PXDNL: variants seen among roughly 807,000 people sequenced by gnomAD.
PXDNL encodes peroxidasin like, also known as probable oxidoreductase PXDNL.
In PXDNL, 145 loss-of-function variants were observed where a neutral mutation model predicts 150.8. The ratio of observed to expected loss-of-function variants is 0.96; its 90% confidence interval spans 0.84 to 1.10. The LOEUF (loss-of-function observed/expected upper bound fraction) is 1.10. Among genes scored for constraint, PXDNL ranks in the 50% least tolerant of loss-of-function variants. The pLI, the probability that PXDNL is intolerant of heterozygous loss-of-function variation, is 0.00. For synonymous variants in PXDNL, 757 were observed against 725.7 expected, an observed-to-expected ratio of 1.04 and a Z score of -0.69; for missense variants, 2,087 against 1,873.9, an observed-to-expected ratio of 1.11 and a Z score of -2.10.
At chr8:51,501,425 C>G (rs531047023) in intron 4 of PXDNL, among the ~76,000 whole-genome samples, 1 of 100,764 alleles carries the variant, frequency 9.9e-6, no homozygotes, top group Non-Finnish European at 2.1e-5. Context: ...CCCTCATACC[C>G]ACACATGCTC....
chr8:51,782,538 C>T (rs1057491815), intron 1 of PXDNL, among the ~76,000 whole-genome samples: 1 of 152,240 alleles, frequency 6.6e-6, no homozygotes, highest in African/African-American at 2.4e-5. Context: ...TGCTACAGTG[C>T]AGGGCACATA....
At chr8:51,796,846 C>A (rs1170568111) in intron 1 of PXDNL, among the ~76,000 whole-genome samples, 1 of 152,172 alleles carries the variant, frequency 6.6e-6, no homozygotes, top group Non-Finnish European at 1.5e-5. Flanking sequence ...CATCCTGATA[C>A]CAAAACCCGG....
At position 51,408,239 on chromosome 8, in the gene PXDNL, C is replaced by T. The variant is rs148571691; in HGVS notation, c.3385G>A (p.Ala1129Thr). 2.9e-5 allele frequency: 47 copies of T among 1,613,982 alleles called. No individual in the cohort carries two copies. In the African/African-American group the frequency reaches 5.1e-4, roughly 17 times the overall value. ...GAATCCACGGCCGCAGAATAAGCCG[C>T]GGAGAAGAGCCTCTGGGTCAGCTCA... ...SPELTQRLFS[A>T]AYSAAVDSAA... Residue 1129 changes from alanine to threonine, a missense_variant, in exon 17 of 23, where the codon GCG (alanine) becomes ACG (threonine). Coordinates refer to ENST00000356297, the MANE Select transcript of PXDNL (RefSeq NM_144651.5).
At position 51,473,369 on chromosome 8, in the gene PXDNL, G is replaced by C. The variant is rs1810393439; in HGVS notation, c.695-1065C>G. Among the ~76,000 whole-genome samples, 4 of 150,818 alleles carry C rather than the reference G, an allele frequency of 2.7e-5. No homozygotes were observed. The South Asian group carries it at 8.4e-4, about 32-fold the overall frequency. ...ATGGAAAATAAACGATGTTTTGATGGATTATAAAAAGGGACCTGATTCAGT... is the reference window on the plus strand; with the variant it reads ...ATGGAAAATAAACGATGTTTTGATGCATTATAAAAAGGGACCTGATTCAGT... On this transcript the variant is annotated intron_variant, in intron 7 of 22. Coordinates refer to ENST00000356297, the MANE Select transcript of PXDNL (RefSeq NM_144651.5).
intron 17 of PXDNL, among the ~76,000 whole-genome samples, chr8:51,375,377 C>G (rs1409506732): frequency 6.6e-6 from 1 of 152,222 alleles, no homozygotes; most frequent in Non-Finnish European, 1.5e-5. Context: ...ATGCTTGACA[C>G]TCCCAGTAGG....
chr8:51,428,750 T>G (rs890812413), intron 12 of PXDNL, among the ~76,000 whole-genome samples: 1 of 152,184 alleles, frequency 6.6e-6, no homozygotes, highest in African/African-American at 2.4e-5. Flanking sequence ...AAAACTATTA[T>G]TCAAAAAAAT....
In PXDNL at chr8:51,354,394, G is replaced by A. The variant is rs541017812; in HGVS notation, c.3902-8447C>T. Among the ~76,000 whole-genome samples, 53 of 152,220 alleles carry A rather than the reference G, an allele frequency of 3.5e-4. No individual in the cohort carries two copies. In the South Asian group the frequency reaches 0.011, roughly 31 times the overall value. ...AGATTGGTAACAAGGACTTGTGAAT[G>A]TTGTTTAATTGCACCTGCAATGCCT... On this transcript the variant is annotated intron_variant, in intron 19 of 22. Coordinates refer to ENST00000356297, the MANE Select transcript of PXDNL (RefSeq NM_144651.5).
At chr8:51,365,778 C>T (rs1806896716) in intron 19 of PXDNL, among the ~76,000 whole-genome samples, 1 of 152,122 alleles carries the variant, frequency 6.6e-6, no homozygotes, top group Non-Finnish European at 1.5e-5. Flanking sequence ...GTCACATGCT[C>T]ACCTAAGTGA....
chr8:51,780,654 CTTTTTTTTTTT>C (rs71237240), intron 1 of PXDNL, among the ~76,000 whole-genome samples: 4 of 75,188 alleles, frequency 5.3e-5, no homozygotes, highest in African/African-American at 1.8e-4. Context: ...CTTTTCTTTT[CTTTTTTTTTTT>C]TTTTTTTTTT....
At chr8:51,690,837 T>G (rs1815979610) in intron 1 of PXDNL, among the ~76,000 whole-genome samples, 1 of 152,100 alleles carries the variant, frequency 6.6e-6, no homozygotes, top group Non-Finnish European at 1.5e-5. Context: ...ACCTGTTGTT[T>G]CCTGACTTTT....
At chr8:51,526,337 G>GGT (rs757062211) in intron 4 of PXDNL, among the ~76,000 whole-genome samples, 3 of 150,636 alleles carry the variant, frequency 2.0e-5, no homozygotes, top group African/African-American at 7.3e-5. Flanking sequence ...TAGCTGATCT[G>GGT]TTTTTTTTTC....
intron 6 of PXDNL, among the ~76,000 whole-genome samples, chr8:51,480,605 T>C (rs552382479): frequency 6.6e-6 from 1 of 152,244 alleles, no homozygotes; most frequent in Admixed American, 6.5e-5. Flanking sequence ...GCCTCTGATA[T>C]GGTTTGGCTG....
chr8:51,611,169 A>ATAT (rs919079815), intron 2 of PXDNL, among the ~76,000 whole-genome samples: 2 of 152,202 alleles, frequency 1.3e-5, no homozygotes, highest in South Asian at 2.1e-4. Context: ...TCCAAGCAAA[A>ATAT]TATTATTATT....
intron 17 of PXDNL, among the ~76,000 whole-genome samples, chr8:51,407,416 G>A (rs1367143831): frequency 1.3e-5 from 2 of 152,040 alleles, no homozygotes; most frequent in African/African-American, 2.4e-5. Flanking sequence ...ACCTACTACA[G>A]ACAAAACTTC....
At chr8:51,747,059 A>AT (rs1287978903) in intron 1 of PXDNL, among the ~76,000 whole-genome samples, 2 of 152,236 alleles carry the variant, frequency 1.3e-5, no homozygotes, top group African/African-American at 2.4e-5. Flanking sequence ...GCTATCAAAA[A>AT]TTTTTAAGAA....
intron 1 of PXDNL, among the ~76,000 whole-genome samples, chr8:51,786,549 G>A (rs1224787325): frequency 1.6e-5 from 2 of 127,966 alleles, no homozygotes; most frequent in Admixed American, 8.6e-5. Context: ...CCACCCCCAT[G>A]CCCACCTCTT....
intron 1 of PXDNL, among the ~76,000 whole-genome samples, chr8:51,743,368 C>T (rs1373923626): frequency 6.6e-6 from 1 of 151,902 alleles, no homozygotes; most frequent in African/African-American, 2.4e-5. Context: ...CAAGTGCCTG[C>T]CACCGTGCCT....
In PXDNL at chr8:51,809,368, C is replaced by G; in HGVS notation, c.-24G>C. 1 of 1,510,008 alleles carries G rather than the reference C, an allele frequency of 6.6e-7. No homozygotes were observed. Among genetic ancestry groups the G allele is most frequent in the Non-Finnish European group, 8.9e-7 (1 of 1,129,486 alleles). The allele number at this position is 1,510,008 out of a possible 1,614,324, so 93.5% of individuals were successfully genotyped here. On this transcript the variant is annotated 5_prime_UTR_variant, in exon 1 of 23. Transcript: ENST00000356297. Reference sequence around the variant, plus strand: ...ATCGCTCCATTCGCTGCTGGCCACGCGAAGAAGCAGCCGGAGGGAGAGCAG... The same window carrying G: ...ATCGCTCCATTCGCTGCTGGCCACGGGAAGAAGCAGCCGGAGGGAGAGCAG...
rs541435393 is a variant in PXDNL, at chr8:51,447,091, G to A, written c.1438C>T (p.Gln480Ter). The change falls in exon 12 of 23, where the codon CAG becomes TAG. Residue 480 changes from glutamine (Q) to a stop codon, truncating the protein, a stop_gained. Transcript: ENST00000356297. LOFTEE classifies it high-confidence loss of function. Reference sequence around the variant, plus strand: ...CATTCATATTGGCCTTGATCGTGCTGTGCTGCACGGTCAATTCTCAAAGTG... The same window carrying A: ...CATTCATATTGGCCTTGATCGTGCTATGCTGCACGGTCAATTCTCAAAGTG... ...SGTLRIDRAA[Q>*]HDQGQYECQA... The A allele has an allele frequency of 5.6e-6, 9 of 1,613,982 alleles. No homozygotes were observed. In the East Asian group the frequency reaches 1.6e-4, roughly 28 times the overall value.
Sources: allele counts gnomAD v4.1 joint callset (sites outside exome capture counted in the v4.1 genomes callset), GRCh38; gene constraint gnomAD v4.1.1; transcripts MANE v1.5; gene names NCBI Gene and HGNC (gene_info 2026-07-23, HGNC 2026-07-21).